HERC3: variants seen among roughly 807,000 people sequenced by gnomAD.
The protein encoded by HERC3 is probable E3 ubiquitin-protein ligase HERC3.
HERC3 carries 58 observed loss-of-function variants against 129.9 expected under a neutral mutation model. The ratio of observed to expected loss-of-function variants is 0.45; its 90% CI spans 0.36 to 0.56. HERC3 has a LOEUF of 0.56. Ranked by LOEUF, HERC3 falls within the 20% of genes least tolerant of loss-of-function variation. The pLI, the probability that HERC3 is intolerant of heterozygous loss-of-function variation, is 0.00. For synonymous variants in HERC3, 430 were observed against 451.0 expected (o/e 0.95, Z 0.59); for missense variants, 835 against 1,244.2 (o/e 0.67, Z 4.95).
At chr4:88,572,072 C>T in the HERC3 span, among the ~76,000 whole-genome samples, 1 of 152,024 alleles carries the variant, frequency 6.6e-6, no homozygotes, top group Non-Finnish European at 1.5e-5. Context: ...GGAAGGAAGA[C>T]CAAGTGAAGT....
Position 88,697,731 on chromosome 4 carries a change from C to T in HERC3, c.2658-6367C>T, listed in dbSNP as rs201827649. 5.6e-6 allele frequency: 9 copies of T among 1,610,216 alleles called. No homozygotes were observed. In the Admixed American group the frequency reaches 6.7e-5, roughly 12 times the overall value. On this transcript the variant is annotated intron_variant, in intron 23 of 25. Transcript: ENST00000402738. ...CCGCCGCCTGGCTAGGCTCCGCAGGCCCCTGGTTTTCCGAGTCGGCCATGT... is the reference window on the plus strand; with the variant it reads ...CCGCCGCCTGGCTAGGCTCCGCAGGTCCCTGGTTTTCCGAGTCGGCCATGT...
chr4:88,524,919 T>C, the HERC3 span: 1 of 152,166 alleles, frequency 6.6e-6, no homozygotes, highest in Admixed American at 6.5e-5. Context: ...TCCAAAAATA[T>C]GTTTATATTT....
the HERC3 span, among the ~76,000 whole-genome samples, chr4:88,551,959 A>C: frequency 1.4e-4 from 22 of 152,158 alleles, no homozygotes; most frequent in Non-Finnish European, 2.5e-4. Flanking sequence ...CAGCCATAAA[A>C]AATGATGAGT....
intron 10 of HERC3, among the ~76,000 whole-genome samples, chr4:88,661,248 T>A (rs1730462681): frequency 2.6e-5 from 4 of 152,176 alleles, no homozygotes; most frequent in African/African-American, 9.7e-5. Context: ...GGATTATGAG[T>A]TTCCTGTATG....
chr4:88,539,771 C>T, the HERC3 span, among the ~76,000 whole-genome samples: 7 of 152,176 alleles, frequency 4.6e-5, no homozygotes, highest in East Asian at 1.3e-3. Context: ...TCTGCAGCTT[C>T]CGCTGGTGAT....
chr4:88,661,774 C>T (rs1451950220), intron 10 of HERC3, among the ~76,000 whole-genome samples: 1 of 152,130 alleles, frequency 6.6e-6, no homozygotes, highest in Non-Finnish European at 1.5e-5. Flanking sequence ...TAGCTATATA[C>T]TTGAAGCAAG....
rs1369226857 is a variant in HERC3, at chr4:88,626,878, G to C, written c.226+20829G>C. ...TTCAATGATTTTTATTATTCTTTTT[G>C]TTTGTTTTGTTTTCTGTTTCAGTGA... On this transcript the variant is annotated intron_variant, in intron 3 of 25. Coordinates refer to ENST00000402738, the MANE Select transcript of HERC3 (RefSeq NM_014606.3). Among the ~76,000 whole-genome samples the C allele has an allele frequency of 8.0e-5, 11 of 137,256 alleles. No homozygotes were observed. In the South Asian group the frequency reaches 1.4e-3, roughly 18 times the overall value. 90.0% of individuals were successfully genotyped at this position (137,256 alleles called of 152,430 possible).
upstream of HERC3, among the ~76,000 whole-genome samples, chr4:88,592,271 T>G (rs969614424): frequency 6.6e-6 from 1 of 151,620 alleles, no homozygotes. Flanking sequence ...CGCCGGGCCC[T>G]CGAGTCCTGT....
intron 12 of HERC3, among the ~76,000 whole-genome samples, chr4:88,666,254 A>G (rs997683486): frequency 6.6e-6 from 1 of 152,096 alleles, no homozygotes; most frequent in Non-Finnish European, 1.5e-5. Flanking sequence ...CAGAAAGTCT[A>G]CTCCTGTAGC....
rs141395606 is a variant in HERC3, at chr4:88,647,677, AT to A, written c.227-2159del. Among the ~76,000 whole-genome samples the A allele has an allele frequency of 6.7e-3, 1,021 of 152,106 alleles. 11 individuals carry two copies. Among genetic ancestry groups the A allele is most frequent in the African/African-American group, 0.023 (967 of 41,498 alleles). On this transcript the variant is annotated intron_variant, in intron 3 of 25. Coordinates refer to ENST00000402738, the MANE Select transcript of HERC3 (RefSeq NM_014606.3). ...ATGGTAATTTCTCTGGCATGAGCAT[AT>A]TTTCAGTTAAAAAAAGTGTTATTGT...
chr4:88,650,866 C>G (rs1317646805), intron 4 of HERC3, among the ~76,000 whole-genome samples: 1 of 152,196 alleles, frequency 6.6e-6, no homozygotes, highest in Non-Finnish European at 1.5e-5. Context: ...GGCCTCTCCT[C>G]CTCTGCCTAA....
chr4:88,642,435 A>G (rs1451115959), intron 3 of HERC3, among the ~76,000 whole-genome samples: 1 of 152,246 alleles, frequency 6.6e-6, no homozygotes, highest in East Asian at 1.9e-4. Flanking sequence ...TCTTATAGCT[A>G]TGTCAAACAG....
chr4:88,612,949 T>G (rs10516813), intron 3 of HERC3, among the ~76,000 whole-genome samples: 7,109 of 152,266 alleles, frequency 0.047, 209 homozygotes, highest in Middle Eastern at 0.11. Flanking sequence ...AATAAATACC[T>G]TAATTTACCA....
the HERC3 span, among the ~76,000 whole-genome samples, chr4:88,539,212 C>T: frequency 2.0e-5 from 3 of 152,300 alleles, no homozygotes; most frequent in South Asian, 4.1e-4. Flanking sequence ...AGTACACTCT[C>T]GCCCAAATAC....
At chr4:88,543,084 C>A in the HERC3 span, among the ~76,000 whole-genome samples, 1 of 152,198 alleles carries the variant, frequency 6.6e-6, no homozygotes, top group African/African-American at 2.4e-5. Flanking sequence ...GAAGTTCTGG[C>A]CAGGGCAATT....
intron 3 of HERC3, among the ~76,000 whole-genome samples, chr4:88,606,721 C>G (rs1201918915): frequency 6.6e-6 from 1 of 152,172 alleles, no homozygotes; most frequent in African/African-American, 2.4e-5. Context: ...CATCAGATCT[C>G]TTAAGACTCA....
chr4:88,676,912 G>A (rs766528576), intron 18 of HERC3, among the ~76,000 whole-genome samples: 4 of 152,152 alleles, frequency 2.6e-5, no homozygotes, highest in African/African-American at 4.8e-5. Flanking sequence ...GGAGGCCGAG[G>A]CAGGCTTATC....
chr4:88,531,504 A>G, the HERC3 span, among the ~76,000 whole-genome samples: 1 of 152,242 alleles, frequency 6.6e-6, no homozygotes, highest in African/African-American at 2.4e-5. Context: ...TAATTTGTCT[A>G]TTTAGAACAA....
intron 3 of HERC3, among the ~76,000 whole-genome samples, chr4:88,643,208 T>C (rs1018006047): frequency 6.6e-6 from 1 of 152,198 alleles, no homozygotes; most frequent in Non-Finnish European, 1.5e-5. Context: ...TGCTGAAAAC[T>C]ACAAAAGTCT....
Sources: gnomAD v4.1 joint callset for allele counts (sites outside exome capture counted in the v4.1 genomes callset) on GRCh38, gnomAD v4.1.1 for gene constraint, MANE v1.5 for transcripts, NCBI Gene and HGNC (gene_info 2026-07-23, HGNC 2026-07-21) for gene names.